Variants in TXLNG observed in about 807,000 individuals in gnomAD.
TXLNG encodes gamma-taxilin.
TXLNG carries 5 observed loss-of-function variants against 38.8 expected under a neutral mutation model. That is an observed-to-expected ratio of 0.13 (90% CI 0.07 to 0.27). The LOEUF is 0.27. Among genes scored for constraint, TXLNG ranks in the 10% least tolerant of loss-of-function variants. The probability of loss-of-function intolerance (pLI) is 1.00; values close to 1 mark genes in which losing one functional copy is unlikely to be tolerated. For synonymous variants in TXLNG, 182 were observed against 158.2 expected (o/e 1.15, Z -1.13); for missense variants, 393 against 398.2 (o/e 0.99, Z 0.11).
chrX:16,794,342 C>A (rs1007538184), intron 1 of TXLNG, among the ~76,000 whole-genome samples: 5 of 111,746 alleles, frequency 4.5e-5, no homozygotes, highest in Admixed American at 9.6e-5. Context: ...TAGGGGATAT[C>A]GAAAATTGAT....
At chrX:16,802,906 C>T (rs1270833622) in intron 1 of TXLNG, among the ~76,000 whole-genome samples, 4 of 105,549 alleles carry the variant, frequency 3.8e-5, no homozygotes, top group Middle Eastern at 4.3e-3. Flanking sequence ...CTGCAGCCTC[C>T]GTCTCCCAGG....
intron 1 of TXLNG, among the ~76,000 whole-genome samples, chrX:16,799,957 T>A (rs1928024257): frequency 9.0e-6 from 1 of 110,882 alleles, no homozygotes; most frequent in Admixed American, 9.7e-5. Flanking sequence ...AATCTTTTTT[T>A]TTGAGATGGA....
chrX:16,841,166 G>A (rs749477832), intron 9 of TXLNG, among the ~76,000 whole-genome samples: 58 of 109,677 alleles, frequency 5.3e-4, no homozygotes, highest in Non-Finnish European at 1.0e-3. Context: ...TTGCACTCCA[G>A]CCTGGCAACA....
At chrX:16,795,044 G>A (rs1289588868) in intron 1 of TXLNG, among the ~76,000 whole-genome samples, 1 of 111,141 alleles carries the variant, frequency 9.0e-6, no homozygotes, top group Non-Finnish European at 1.9e-5. Context: ...TTGGGAGGCA[G>A]AGGCAGGCGG....
chrX:16,838,567 T>C (rs963037442), intron 8 of TXLNG, among the ~76,000 whole-genome samples: 4 of 112,224 alleles, frequency 3.6e-5, no homozygotes, highest in African/African-American at 1.3e-4. Flanking sequence ...TTTCAGACAG[T>C]GCTTGGCACA....
At chrX:16,837,711 G>A in intron 8 of TXLNG, 26 bp downstream of exon 8, 2 of 1,087,440 alleles carry the variant, frequency 1.8e-6, no homozygotes, top group Non-Finnish European at 2.5e-6. Flanking sequence ...TAGTAGAATA[G>A]TATATCAAAT....
At chrX:16,834,737 A>G (rs892508771) in intron 7 of TXLNG, among the ~76,000 whole-genome samples, 4 of 112,121 alleles carry the variant, frequency 3.6e-5, no homozygotes, top group Admixed American at 2.8e-4. Flanking sequence ...ACATCTGCAT[A>G]TTTTATTTAT....
intron 3 of TXLNG, among the ~76,000 whole-genome samples, chrX:16,822,032 T>C (rs1012812302): frequency 9.4e-6 from 1 of 106,221 alleles, no homozygotes; most frequent in Non-Finnish European, 1.9e-5. Context: ...TCTGTTAGTT[T>C]ATTGCCTCAA....
chrX:16,801,950 C>CTT (rs56071399), intron 1 of TXLNG, among the ~76,000 whole-genome samples: 13 of 45,228 alleles, frequency 2.9e-4, no homozygotes, highest in African/African-American at 6.7e-4. Context: ...TTCTTTCTTT[C>CTT]TTTTTTTTTT....
In TXLNG at chrX:16,813,589, A is replaced by G. The variant is rs982841994; in HGVS notation, c.103-4985A>G. ...TTTGAGCCCAGGAGGTTGAGGCTGC[A>G]GTAAGCTTGCATTGTGCAGTCTGGG... On this transcript the variant is annotated intron_variant, in intron 1 of 9. Transcript: ENST00000380122. Among the ~76,000 whole-genome samples, 59 of 105,440 alleles carry G rather than the reference A, an allele frequency of 5.6e-4. 1 individual carries two copies. Among genetic ancestry groups the G allele is most frequent in the Non-Finnish European group, 9.9e-4 (51 of 51,303 alleles). The allele number at this position is 105,440 out of a possible 115,157, so 91.6% of individuals were successfully genotyped here.
chrX:16,843,464 ACAC>A lies in TXLNG; in HGVS notation c.*1703_*1705del, dbSNP rs981663666. 9.0e-6 allele frequency: 1 copy of A among 111,663 alleles called. No individual in the cohort carries two copies. The highest frequency in any genetic ancestry group is 3.3e-5 in the African/African-American group (1 of 30,664). 9.2% of individuals were successfully genotyped at this position (111,663 alleles called of 1,213,427 possible). On this transcript the variant is annotated 3_prime_UTR_variant, in exon 10 of 10. Coordinates refer to ENST00000380122, the MANE Select transcript of TXLNG (RefSeq NM_018360.3). ...CATCAAAATGAGTCAGAAGCAAAAA[ACAC>A]CACCCTCCAACAGCCTCTTAGGAGT...
intron 3 of TXLNG, among the ~76,000 whole-genome samples, chrX:16,822,209 C>T (rs1188721302): frequency 3.7e-5 from 4 of 107,439 alleles, no homozygotes; most frequent in Non-Finnish European, 7.7e-5. Context: ...GGTGTGGTGG[C>T]GGGTGCATGT....
intron 3 of TXLNG, among the ~76,000 whole-genome samples, chrX:16,826,951 G>A (rs1267608120): frequency 1.8e-5 from 2 of 109,041 alleles, no homozygotes; most frequent in Non-Finnish European, 3.8e-5. Context: ...AAACCCGGCC[G>A]GGCATGGTGG....
Position 16,843,707 on chromosome X carries a change from T to C in TXLNG, c.*1941T>C, listed in dbSNP as rs1186519195. ...GGTGCTTGTCCTGTGTGGAAGATTG[T>C]AAATCTTGGGCCTGTTGCATACTTC... On this transcript the variant is annotated 3_prime_UTR_variant, in exon 10 of 10. Transcript: ENST00000380122. 1 of 112,410 alleles carries C rather than the reference T, an allele frequency of 8.9e-6. No homozygotes were observed. Among genetic ancestry groups the C allele is most frequent in the African/African-American group, 3.2e-5 (1 of 30,914 alleles). The allele number at this position is 112,410 out of a possible 1,213,427, so 9.3% of individuals were successfully genotyped here.
At position 16,829,597 on chromosome X, in the gene TXLNG, C is replaced by A. The variant is rs141245275; in HGVS notation, c.691C>A (p.Arg231=). Reference sequence around the variant, plus strand: ...TAAGGAGGAAAATATGCAGCAGGCACGAGAGGAAGAAGAACGACGTAAAGA... The same window carrying A: ...TAAGGAGGAAAATATGCAGCAGGCAAGAGAGGAAGAAGAACGACGTAAAGA... The part of the protein sequence containing the change: ...TLKEENMQQA[R]EEEERRKEAT... Residue 231 remains arginine (R), a synonymous_variant, in exon 5 of 10, where the codon CGA becomes AGA. Transcript: ENST00000380122. 346 of 1,208,863 alleles carry A rather than the reference C, an allele frequency of 2.9e-4. 1 individual carries two copies. In the African/African-American group the frequency reaches 5.4e-3, roughly 19 times the overall value.
chrX:16,835,297 CCT>C (rs1389040892), intron 7 of TXLNG, among the ~76,000 whole-genome samples: 3 of 111,245 alleles, frequency 2.7e-5, no homozygotes, highest in African/African-American at 9.8e-5. Context: ...TTCATGAGCA[CCT>C]CTTTGGAGTG....
At chrX:16,816,050 T>G (rs1486611251) in intron 1 of TXLNG, among the ~76,000 whole-genome samples, 2 of 110,425 alleles carry the variant, frequency 1.8e-5, no homozygotes, top group East Asian at 5.6e-4. Context: ...GTATGTTATT[T>G]GGGTATATTA....
chrX:16,822,939 G>A (rs1437770247), intron 3 of TXLNG, among the ~76,000 whole-genome samples: 2 of 111,536 alleles, frequency 1.8e-5, no homozygotes, highest in Non-Finnish European at 3.8e-5. Context: ...AAGTAGCAGG[G>A]GTCTAGGGTG....
At chrX:16,840,142 C>T (rs1335791475) in intron 9 of TXLNG, among the ~76,000 whole-genome samples, 1 of 112,419 alleles carries the variant, frequency 8.9e-6, no homozygotes, top group Non-Finnish European at 1.9e-5. Context: ...AGCTTCCTAC[C>T]ACCCAGTTAA....
Sources: allele counts gnomAD v4.1 joint callset (sites outside exome capture counted in the v4.1 genomes callset), GRCh38; gene constraint gnomAD v4.1.1; transcripts MANE v1.5; gene names NCBI Gene and HGNC (gene_info 2026-07-23, HGNC 2026-07-21).